CLIP2: variants seen among roughly 807,000 people sequenced by gnomAD.
CLIP2 encodes CAP-Gly domain containing linker protein 2.
In CLIP2, 41 loss-of-function variants were observed where a neutral mutation model predicts 111.7. That is an observed-to-expected ratio of 0.37 (90% confidence interval 0.29 to 0.48). The LOEUF is 0.48. CLIP2 is among the 20% of genes least tolerant of loss of function. The pLI is 0.99. For missense variants in CLIP2, 1,160 were observed against 1,422.1 expected (o/e 0.82, Z 2.96); for synonymous variants, 660 against 644.2 (o/e 1.02, Z -0.37).
chr7:74,308,570 T>C (rs1023631049), intron 1 of CLIP2, among the ~76,000 whole-genome samples: 5 of 152,080 alleles, frequency 3.3e-5, no homozygotes, highest in African/African-American at 9.7e-5. Flanking sequence ...GGTGGTGCGA[T>C]GTCAGCTCAC....
chr7:74,346,654 C>T (rs797028648), intron 3 of CLIP2, among the ~76,000 whole-genome samples: 9 of 141,730 alleles, frequency 6.4e-5, no homozygotes, highest in African/African-American at 2.4e-4. Flanking sequence ...ACCTGGGAGG[C>T]AGAGGTTGCA....
chr7:74,332,321 A>G (rs1554731436), intron 2 of CLIP2, among the ~76,000 whole-genome samples: 1 of 151,362 alleles, frequency 6.6e-6, no homozygotes, highest in Non-Finnish European at 1.5e-5. Context: ...TGATCTGCTC[A>G]CCTCAGCCTC....
At chr7:74,348,873 G>A (rs896958820) in intron 3 of CLIP2, among the ~76,000 whole-genome samples, 7 of 151,776 alleles carry the variant, frequency 4.6e-5, no homozygotes, top group Admixed American at 2.0e-4. Flanking sequence ...TAGGTCAGGC[G>A]TGATGGCTCA....
chr7:74,339,657 G>A (rs189813584), intron 3 of CLIP2, among the ~76,000 whole-genome samples: 5 of 152,208 alleles, frequency 3.3e-5, no homozygotes, highest in East Asian at 3.9e-4. Flanking sequence ...GCATTAAAAC[G>A]TATCACTCAT....
chr7:74,370,974 G>A lies in CLIP2; in HGVS notation c.1381-1958G>A, dbSNP rs372200307. On this transcript the variant is annotated intron_variant, in intron 8 of 16. Coordinates refer to ENST00000223398, the MANE Select transcript of CLIP2 (RefSeq NM_003388.5). ...ATATAAACCCGTTGAGGGGCCAGGC[G>A]TGGTGGCTCACACATGTAATCCCAG... Among the ~76,000 whole-genome samples, 9 of 152,100 alleles carry A rather than the reference G, an allele frequency of 5.9e-5. No individual in the cohort carries two copies. The East Asian group carries it at 1.2e-3, about 20-fold the overall frequency.
At chr7:74,317,962 C>T (rs549075472) in intron 2 of CLIP2, among the ~76,000 whole-genome samples, 51 of 151,878 alleles carry the variant, frequency 3.4e-4, no homozygotes, top group African/African-American at 1.1e-3. Context: ...GAGGCTGAGG[C>T]GGCTGGATCA....
chr7:74,344,110 G>A (rs527261313), intron 3 of CLIP2, among the ~76,000 whole-genome samples: 454 of 152,266 alleles, frequency 3.0e-3, no homozygotes, highest in Non-Finnish European at 4.7e-3. Flanking sequence ...TTTAACCCTA[G>A]TTTGATCCCG....
At chr7:74,309,804 G>C (rs1788595144) in intron 1 of CLIP2, among the ~76,000 whole-genome samples, 1 of 147,934 alleles carries the variant, frequency 6.8e-6, no homozygotes, top group Non-Finnish European at 1.5e-5. Flanking sequence ...TTGAACCTGG[G>C]TGACAGAGCG....
In CLIP2 at chr7:74,357,486, C is replaced by A. The variant is rs1554308720; in HGVS notation, c.1215+9C>A. The A allele has an allele frequency of 1.2e-6, 2 of 1,607,372 alleles. No homozygotes were observed. The highest frequency in any genetic ancestry group is 1.3e-5 in the African/African-American group (1 of 74,780). ...AGGCACAGCATGAGCAGGTGAGTGG[C>A]AGGTGGGGCTGGGGGCAGAGCTTCT... is the stretch of plus-strand genomic sequence containing the variant. On this transcript the variant is annotated intron_variant, in intron 6 of 16. Transcript: ENST00000223398.
At chr7:74,293,549 G>T (rs141013026) in intron 1 of CLIP2, among the ~76,000 whole-genome samples, 12 of 152,170 alleles carry the variant, frequency 7.9e-5, no homozygotes, top group South Asian at 2.1e-4. Flanking sequence ...CTCGGCTAGT[G>T]GGGGGGCAGG....
At chr7:74,303,699 G>T (rs1788400753) in intron 1 of CLIP2, among the ~76,000 whole-genome samples, 1 of 151,248 alleles carries the variant, frequency 6.6e-6, no homozygotes, top group Non-Finnish European at 1.5e-5. Context: ...ATCACCTGAG[G>T]TCAGGAGTTC....
intron 15 of CLIP2, 38 bp downstream of exon 15, chr7:74,400,593 C>A: frequency 6.7e-7 from 1 of 1,498,828 alleles, no homozygotes. Context: ...GGAGGCAAGC[C>A]ACGGGGCAGT....
intron 13 of CLIP2, among the ~76,000 whole-genome samples, chr7:74,396,686 A>G (rs1021919528): frequency 6.6e-6 from 1 of 151,864 alleles, no homozygotes; most frequent in Non-Finnish European, 1.5e-5. Flanking sequence ...ACGACTGGCT[A>G]ATTTTTGTAT....
chr7:74,317,405 T>G, intron 1 of CLIP2, 75 bp from the exon 2 acceptor site: 2 of 1,018,242 alleles, frequency 2.0e-6, no homozygotes, highest in Non-Finnish European at 2.6e-6. Context: ...GAGGGATGTG[T>G]GTTGCTTGAT....
At chr7:74,321,715 G>A (rs183373690) in intron 2 of CLIP2, among the ~76,000 whole-genome samples, 44 of 151,656 alleles carry the variant, frequency 2.9e-4, no homozygotes, top group African/African-American at 9.7e-4. Flanking sequence ...TGATCCCCCC[G>A]CCTTGGCCCC....
At chr7:74,322,524 C>T (rs949281123) in intron 2 of CLIP2, among the ~76,000 whole-genome samples, 2 of 151,794 alleles carry the variant, frequency 1.3e-5, no homozygotes, top group Admixed American at 6.6e-5. Context: ...TTCAGTGAGC[C>T]GAGACCACAC....
intron 2 of CLIP2, among the ~76,000 whole-genome samples, chr7:74,325,085 T>C (rs1554730517): frequency 6.6e-6 from 1 of 151,890 alleles, no homozygotes; most frequent in African/African-American, 2.4e-5. Flanking sequence ...GGGAACGGGG[T>C]TGTGGCTGCC....
intron 3 of CLIP2, among the ~76,000 whole-genome samples, chr7:74,347,093 G>A (rs1252343227): frequency 1.3e-5 from 2 of 151,940 alleles, no homozygotes; most frequent in Admixed American, 1.3e-4. Context: ...CCCCGTCCCC[G>A]TTCCTGCCTT....
intron 7 of CLIP2, among the ~76,000 whole-genome samples, chr7:74,363,895 C>CAA (rs11438621): frequency 0.014 from 1,381 of 96,472 alleles, 23 homozygotes; most frequent in East Asian, 0.049. Flanking sequence ...GACTCTGTCT[C>CAA]AAAAAAAAAA....
Sources: gnomAD v4.1 joint callset for allele counts (sites outside exome capture counted in the v4.1 genomes callset) on GRCh38, gnomAD v4.1.1 for gene constraint, MANE v1.5 for transcripts, NCBI Gene and HGNC (gene_info 2026-07-23, HGNC 2026-07-21) for gene names.